The following CNKSR2 variants were observed in gnomAD, a reference collection of about 807,000 sequenced individuals.
CNKSR2 encodes the protein CNK homolog protein 2.
CNKSR2 carries 14 observed loss-of-function variants against 84.4 expected under a neutral mutation model. The ratio of observed to expected loss-of-function variants is 0.17; its 90% confidence interval spans 0.11 to 0.26. CNKSR2 has a LOEUF of 0.26. CNKSR2 is among the 10% of genes least tolerant of loss of function. The pLI is 1.00. For missense variants in CNKSR2, 485 were observed against 771.2 expected, an observed-to-expected ratio of 0.63 and a Z score of 4.40; for synonymous variants, 275 against 277.9, an observed-to-expected ratio of 0.99 and a Z score of 0.10.
intron 1 of CNKSR2, among the ~76,000 whole-genome samples, chrX:21,421,111 T>C (rs1341804655): frequency 1.8e-5 from 2 of 110,956 alleles, no homozygotes; most frequent in Non-Finnish European, 3.8e-5. Flanking sequence ...AAATGCTCCC[T>C]CTGTGGGTGG....
chrX:21,410,112 T>C (rs1756034586), intron 1 of CNKSR2, among the ~76,000 whole-genome samples: 1 of 109,266 alleles, frequency 9.2e-6, no homozygotes, highest in Non-Finnish European at 1.9e-5. Flanking sequence ...CATCACTTAT[T>C]GAAAAAAATC....
At chrX:21,529,205 A>G (rs1157165996) in intron 10 of CNKSR2, among the ~76,000 whole-genome samples, 6 of 111,166 alleles carry the variant, frequency 5.4e-5, no homozygotes, top group Admixed American at 4.8e-4. Flanking sequence ...AATTTTTTTC[A>G]TGTGGTTATG....
chrX:21,528,014 T>A (rs2091851147), intron 10 of CNKSR2, among the ~76,000 whole-genome samples: 1 of 111,063 alleles, frequency 9.0e-6, no homozygotes, highest in African/African-American at 3.3e-5. Flanking sequence ...TACTGTGTTG[T>A]CATCTAGTAA....
chrX:21,432,503 T>C (rs1412001018), intron 2 of CNKSR2, 109 bp from the exon 3 acceptor site: 11 of 547,703 alleles, frequency 2.0e-5, no homozygotes, highest in Non-Finnish European at 3.0e-5. Context: ...TATTCATTTG[T>C]AACTCGAATG....
In CNKSR2 at chrX:21,476,197, G is replaced by A. The variant is rs182715048; in HGVS notation, c.561+5390G>A. Reference sequence around the variant, plus strand: ...TATGAACACTTGTTTAATGTTTTCAGTTGAGCCAAAAGATATTACCTGTAT... The same window carrying A: ...TATGAACACTTGTTTAATGTTTTCAATTGAGCCAAAAGATATTACCTGTAT... On this transcript the variant is annotated intron_variant, in intron 5 of 21. Coordinates refer to ENST00000379510, the MANE Select transcript of CNKSR2 (RefSeq NM_014927.5). 1.7e-4 allele frequency among the ~76,000 whole-genome samples: 19 copies of A among 111,092 alleles called. 1 individual carries two copies. Among genetic ancestry groups the A allele is most frequent in the Admixed American group, 1.5e-3 (16 of 10,409 alleles).
intron 3 of CNKSR2, among the ~76,000 whole-genome samples, chrX:21,433,973 T>A (rs1437083892): frequency 9.0e-6 from 1 of 111,031 alleles, no homozygotes; most frequent in Non-Finnish European, 1.9e-5. Context: ...AGCCACATTA[T>A]CAAGTGTTTA....
chrX:21,559,075 A>G (rs1457882714), intron 11 of CNKSR2, among the ~76,000 whole-genome samples: 1 of 111,005 alleles, frequency 9.0e-6, no homozygotes, highest in East Asian at 2.8e-4. Flanking sequence ...TAGACATAAC[A>G]AAAGGAGACC....
chrX:21,389,225 G>A (rs764752580), intron 1 of CNKSR2, among the ~76,000 whole-genome samples: 1 of 104,333 alleles, frequency 9.6e-6, no homozygotes, highest in African/African-American at 3.5e-5. Flanking sequence ...TTATATTATG[G>A]CATTCTAGAT....
At chrX:21,614,585 T>TAA (rs11372410) in intron 20 of CNKSR2, among the ~76,000 whole-genome samples, 8 of 110,107 alleles carry the variant, frequency 7.3e-5, no homozygotes, top group African/African-American at 2.7e-4. Context: ...AATATGTATT[T>TAA]AAAAAAAACA....
chrX:21,390,795 G>T (rs1196994525), intron 1 of CNKSR2, among the ~76,000 whole-genome samples: 1 of 111,870 alleles, frequency 8.9e-6, no homozygotes, highest in African/African-American at 3.2e-5. Context: ...AAAGTCTACA[G>T]TCCAAAGTCT....
chrX:21,620,204 T>C (rs371448940), intron 20 of CNKSR2, among the ~76,000 whole-genome samples: 23 of 111,310 alleles, frequency 2.1e-4, no homozygotes, highest in African/African-American at 7.2e-4. Context: ...TTTAAATTTT[T>C]AAGCATCTTT....
rs530715743 is a variant in CNKSR2, at chrX:21,536,477, G to A, written c.1303+4410G>A. 5.4e-5 allele frequency among the ~76,000 whole-genome samples: 6 copies of A among 110,681 alleles called. No homozygotes were observed. In the East Asian group the frequency reaches 1.7e-3, roughly 31 times the overall value. On this transcript the variant is annotated intron_variant, in intron 11 of 21. Coordinates refer to ENST00000379510, the MANE Select transcript of CNKSR2 (RefSeq NM_014927.5). ...AAGTTTGGTAGAATTCAGCAATGAA[G>A]CCAGCAATGAAGTCATCTGGTCCTG...
intron 3 of CNKSR2, among the ~76,000 whole-genome samples, chrX:21,435,397 A>G (rs1384407900): frequency 9.0e-6 from 1 of 111,539 alleles, no homozygotes; most frequent in Non-Finnish European, 1.9e-5. Context: ...GGAAAATAAT[A>G]TTTATGACTC....
At chrX:21,441,252 G>A (rs2090779575) in intron 4 of CNKSR2, 1 of 111,216 alleles carries the variant, frequency 9.0e-6, no homozygotes, top group East Asian at 2.8e-4. Context: ...TGATATATTA[G>A]TGCTTGTAAA....
chrX:21,534,301 T>G (rs781155165), intron 11 of CNKSR2, among the ~76,000 whole-genome samples: 47 of 110,712 alleles, frequency 4.2e-4, no homozygotes, highest in South Asian at 7.5e-4. Flanking sequence ...TTCTGATATA[T>G]ATATATATCA....
chrX:21,624,158 G>A (rs547017796), intron 20 of CNKSR2, among the ~76,000 whole-genome samples: 1 of 111,970 alleles, frequency 8.9e-6, no homozygotes, highest in African/African-American at 3.2e-5. Context: ...TTCACAAAAT[G>A]CAGAGATATT....
intron 13 of CNKSR2, among the ~76,000 whole-genome samples, chrX:21,580,413 C>A (rs886256983): frequency 9.0e-6 from 1 of 111,138 alleles, no homozygotes; most frequent in Admixed American, 9.6e-5. Flanking sequence ...TTAACAGAAA[C>A]GTAGTATTAA....
intron 4 of CNKSR2, among the ~76,000 whole-genome samples, chrX:21,466,759 A>G (rs1241941313): frequency 3.6e-5 from 4 of 110,750 alleles, no homozygotes; most frequent in Non-Finnish European, 7.6e-5. Context: ...TAATTTTTGT[A>G]TTTTTAGTAG....
chrX:21,464,224 G>C (rs756226815), intron 4 of CNKSR2, among the ~76,000 whole-genome samples: 1 of 112,021 alleles, frequency 8.9e-6, no homozygotes, highest in Admixed American at 9.5e-5. Flanking sequence ...GTTCAGTTTT[G>C]TTTTCTGCTA....
Sources: allele counts gnomAD v4.1 joint callset (sites outside exome capture counted in the v4.1 genomes callset), GRCh38; gene constraint gnomAD v4.1.1; transcripts MANE v1.5; gene names NCBI Gene and HGNC (gene_info 2026-07-23, HGNC 2026-07-21).